Variants in DENND1A observed in about 807,000 individuals in gnomAD.
DENND1A encodes DENN domain containing 1A.
In DENND1A, 51 loss-of-function variants were observed where a neutral mutation model predicts 113.7. That is an observed-to-expected ratio of 0.45 (90% CI 0.36 to 0.57). DENND1A has a LOEUF of 0.57. DENND1A is among the 20% of genes least tolerant of loss of function. DENND1A has a pLI of 0.00. For synonymous variants in DENND1A, 565 were observed against 570.8 expected (o/e 0.99, Z 0.14); for missense variants, 1,258 against 1,395.9 (o/e 0.90, Z 1.57).
chr9:123,614,227 G>C (rs2060541643), intron 10 of DENND1A, among the ~76,000 whole-genome samples: 1 of 152,202 alleles, frequency 6.6e-6, no homozygotes, highest in African/African-American at 2.4e-5. Flanking sequence ...CTGCTGAACA[G>C]ACAGCCCAAG....
chr9:123,709,548 C>T (rs992596762), intron 5 of DENND1A, among the ~76,000 whole-genome samples: 2 of 152,106 alleles, frequency 1.3e-5, no homozygotes, highest in African/African-American at 4.8e-5. Context: ...CTCTTACTTC[C>T]CCATGTCCCT....
chr9:123,713,875 A>G lies in DENND1A; in HGVS notation c.303-37086T>C, dbSNP rs2066798628. Among the ~76,000 whole-genome samples, 5 of 152,194 alleles carry G rather than the reference A, an allele frequency of 3.3e-5. No individual in the cohort carries two copies. In the South Asian group the frequency reaches 1.0e-3, roughly 32 times the overall value. ...TTCCCAAGGTCATATAGTTTATGAAAGACGGGGCTGAGATTTGACTCTAGA... is the reference window on the plus strand; with the variant it reads ...TTCCCAAGGTCATATAGTTTATGAAGGACGGGGCTGAGATTTGACTCTAGA... On this transcript the variant is annotated intron_variant, in intron 5 of 23. Coordinates refer to ENST00000394215, the MANE Select transcript of DENND1A (RefSeq NM_001352964.2).
chr9:123,532,804 C>T (rs964378150), intron 13 of DENND1A, among the ~76,000 whole-genome samples: 11 of 152,124 alleles, frequency 7.2e-5, no homozygotes, highest in African/African-American at 2.7e-4. Context: ...ATAGGAAGTA[C>T]CTATCACTCA....
chr9:123,512,617 C>G (rs1259651351), intron 13 of DENND1A, among the ~76,000 whole-genome samples: 1 of 152,218 alleles, frequency 6.6e-6, no homozygotes, highest in African/African-American at 2.4e-5. Flanking sequence ...CGTCACAGAC[C>G]TCCCCAAAGC....
At position 123,503,419 on chromosome 9, in the gene DENND1A, G is replaced by A. The variant is rs545429878; in HGVS notation, c.994-45522C>T. Among the ~76,000 whole-genome samples, 16 of 152,240 alleles carry A rather than the reference G, an allele frequency of 1.1e-4. No individual in the cohort carries two copies. In the East Asian group the frequency reaches 2.9e-3, roughly 28 times the overall value. ...AGAGCCATGGAAATCTTTAACATCA[G>A]TCTTCATCTTCTGCCTGCAACCTCT... On this transcript the variant is annotated intron_variant, in intron 13 of 23. Coordinates refer to ENST00000394215, the MANE Select transcript of DENND1A (RefSeq NM_001352964.2).
intron 9 of DENND1A, among the ~76,000 whole-genome samples, chr9:123,647,758 G>A (rs915697278): frequency 4.6e-5 from 7 of 152,140 alleles, no homozygotes; most frequent in East Asian, 1.9e-4. Context: ...TGATCCGATC[G>A]ATATTCTACT....
In DENND1A at chr9:123,549,297, G is replaced by T. The variant is rs369177692; in HGVS notation, c.993+8273C>A. Among the ~76,000 whole-genome samples the T allele has an allele frequency of 8.5e-5, 13 of 152,188 alleles. No homozygotes were observed. The South Asian group carries it at 2.1e-3, about 24-fold the overall frequency. ...CTCTCATCTTGCTGTACTGTACATA[G>T]TGTCTTAAGGTTCCTCAAACCTATT... On this transcript the variant is annotated intron_variant, in intron 13 of 23. Coordinates refer to ENST00000394215, the MANE Select transcript of DENND1A (RefSeq NM_001352964.2).
chr9:123,828,278 G>A (rs1241974312), intron 2 of DENND1A, among the ~76,000 whole-genome samples: 1 of 151,976 alleles, frequency 6.6e-6, no homozygotes, highest in African/African-American at 2.4e-5. Flanking sequence ...TAACTCAGTG[G>A]ACAATAGATT....
At chr9:123,689,185 C>T (rs4304394) in intron 5 of DENND1A, among the ~76,000 whole-genome samples, 35,699 of 151,916 alleles carry the variant, frequency 0.23, 4,640 homozygotes, top group Admixed American at 0.28. Context: ...CCACCATGCC[C>T]GGCTAAATTG....
At chr9:123,833,036 G>T (rs1400469010) in intron 2 of DENND1A, among the ~76,000 whole-genome samples, 1 of 149,290 alleles carries the variant, frequency 6.7e-6, no homozygotes, top group African/African-American at 2.5e-5. Flanking sequence ...GAAGTAGGAG[G>T]GTCCTCTGAG....
intron 13 of DENND1A, among the ~76,000 whole-genome samples, chr9:123,490,951 G>A (rs987059953): frequency 1.1e-4 from 16 of 152,234 alleles, no homozygotes; most frequent in African/African-American, 3.9e-4. Context: ...CCACTGCACT[G>A]TGTTCTCAAC....
chr9:123,517,358 T>C (rs796174109), intron 13 of DENND1A, among the ~76,000 whole-genome samples: 9 of 151,856 alleles, frequency 5.9e-5, no homozygotes, highest in African/African-American at 2.2e-4. Flanking sequence ...TGGTGGCTCA[T>C]GCCTGTAATC....
intron 2 of DENND1A, among the ~76,000 whole-genome samples, chr9:123,819,372 A>C (rs1039913404): frequency 4.6e-5 from 7 of 152,186 alleles, no homozygotes; most frequent in Admixed American, 6.5e-5. Flanking sequence ...GAAACTGAAT[A>C]CTATAGATCC....
At chr9:123,710,203 T>C (rs1177594312) in intron 5 of DENND1A, among the ~76,000 whole-genome samples, 1 of 152,202 alleles carries the variant, frequency 6.6e-6, no homozygotes. Context: ...TTTCACTAAT[T>C]TAAAAAGTGT....
chr9:123,384,977 CA>C (rs1022667424), intron 22 of DENND1A, among the ~76,000 whole-genome samples: 6 of 151,172 alleles, frequency 4.0e-5, no homozygotes, highest in Non-Finnish European at 8.8e-5. Context: ...CAAAACAAAA[CA>C]AAAAAACAAA....
intron 2 of DENND1A, among the ~76,000 whole-genome samples, chr9:123,838,380 T>C (rs776240719): frequency 6.6e-6 from 1 of 152,146 alleles, no homozygotes; most frequent in Non-Finnish European, 1.5e-5. Flanking sequence ...ATATATAATA[T>C]GTATATACAT....
At position 123,415,966 on chromosome 9, in the gene DENND1A, G is replaced by C. The variant is rs563751581; in HGVS notation, c.1489-4137C>G. ...GTAGGAGGTGAGTAGTAGTGATTTG[G>C]GTGGGAAGAGGGGGTAAGGGGATGA... On this transcript the variant is annotated intron_variant, in intron 19 of 23. Transcript: ENST00000394215. Among the ~76,000 whole-genome samples the C allele has an allele frequency of 7.4e-4, 113 of 152,240 alleles. 1 individual carries two copies. Among genetic ancestry groups the C allele is most frequent in the African/African-American group, 2.7e-3 (111 of 41,552 alleles).
At chr9:123,614,453 T>C (rs1358224471) in intron 10 of DENND1A, among the ~76,000 whole-genome samples, 1 of 152,232 alleles carries the variant, frequency 6.6e-6, no homozygotes, top group Non-Finnish European at 1.5e-5. Context: ...CTGTAGTCCT[T>C]GTTCATTATT....
chr9:123,634,480 G>C (rs1173959101), intron 9 of DENND1A, among the ~76,000 whole-genome samples: 1 of 152,124 alleles, frequency 6.6e-6, no homozygotes, highest in Non-Finnish European at 1.5e-5. Context: ...GTTCTATAAA[G>C]TATCACTTGC....
Sources: gnomAD v4.1 joint callset for allele counts (sites outside exome capture counted in the v4.1 genomes callset) on GRCh38, gnomAD v4.1.1 for gene constraint, MANE v1.5 for transcripts, NCBI Gene and HGNC (gene_info 2026-07-23, HGNC 2026-07-21) for gene names.